Variants in ANKFY1 observed in about 807,000 individuals in gnomAD.
ANKFY1 encodes the protein ankyrin repeat and FYVE domain containing 1, also known as ankyrin repeat and FYVE domain-containing protein 1.
Under a neutral mutation model 128.3 loss-of-function variants are expected in ANKFY1, and 47 were observed. That is an observed-to-expected ratio of 0.37 (90% CI 0.29 to 0.47). ANKFY1 has a LOEUF of 0.47. Among genes scored for constraint, ANKFY1 ranks in the 20% least tolerant of loss-of-function variants. The pLI, the probability that ANKFY1 is intolerant of heterozygous loss-of-function variation, is 1.00. For missense variants in ANKFY1, 1,222 were observed against 1,510.6 expected (o/e 0.81, Z 3.17); for synonymous variants, 553 against 601.6 (o/e 0.92, Z 1.18).
intron 19 of ANKFY1, among the ~76,000 whole-genome samples, chr17:4,174,913 G>A (rs1287978276): frequency 6.6e-6 from 1 of 151,816 alleles, no homozygotes; most frequent in African/African-American, 2.4e-5. Flanking sequence ...AAATTCTGTA[G>A]AGACAACGTC....
intron 1 of ANKFY1, among the ~76,000 whole-genome samples, chr17:4,262,286 C>T (rs1332738867): frequency 6.6e-6 from 1 of 152,076 alleles, no homozygotes; most frequent in Non-Finnish European, 1.5e-5. Flanking sequence ...CAGGCACCCG[C>T]CATCACTCCA....
At chr17:4,188,527 T>G (rs2059652139) in intron 11 of ANKFY1, 1 of 152,206 alleles carries the variant, frequency 6.6e-6, no homozygotes, top group South Asian at 2.1e-4. Flanking sequence ...TCTTCAATCC[T>G]AACGATACAT....
chr17:4,254,961 G>C (rs1968037893), intron 1 of ANKFY1, among the ~76,000 whole-genome samples: 1 of 152,090 alleles, frequency 6.6e-6, no homozygotes, highest in South Asian at 2.1e-4. Flanking sequence ...CTCAAGATTT[G>C]TGGTCTTAAG....
intron 2 of ANKFY1, 83 bp from the exon 3 acceptor site, chr17:4,235,973 G>A (rs1966886097): frequency 3.1e-6 from 3 of 962,420 alleles, no homozygotes; most frequent in South Asian, 1.4e-5. Flanking sequence ...ATAAACACAT[G>A]AGTATTCATC....
intron 7 of ANKFY1, among the ~76,000 whole-genome samples, chr17:4,198,811 A>C (rs2059875447): frequency 6.6e-6 from 1 of 152,216 alleles, no homozygotes; most frequent in South Asian, 2.1e-4. Context: ...GTGGAAACAA[A>C]ATTTCTTTCT....
At chr17:4,182,937 C>A (rs1048344346) in intron 14 of ANKFY1, among the ~76,000 whole-genome samples, 1 of 152,144 alleles carries the variant, frequency 6.6e-6, no homozygotes, top group Non-Finnish European at 1.5e-5. Flanking sequence ...GAAACCCCGT[C>A]TCTACTAAAA....
chr17:4,223,427 A>G lies in ANKFY1; in HGVS notation c.323-6309T>C, dbSNP rs552488696. On this transcript the variant is annotated intron_variant, in intron 3 of 24. Transcript: ENST00000341657. ...AGTCATCCACAAAGACCTGGCTGCT[A>G]GGAACTGTATCACTGATGACACACT... The G allele has an allele frequency of 6.5e-6, 9 of 1,392,546 alleles. No homozygotes were observed. The East Asian group carries it at 2.1e-4, about 32-fold the overall frequency. 86.3% of individuals were successfully genotyped at this position (1,392,546 alleles called of 1,614,324 possible). A position where few individuals can be genotyped will look rare whatever the true frequency, so the allele number is the denominator to read the frequency against.
intron 2 of ANKFY1, 152 bp from the exon 3 acceptor site, chr17:4,236,042 G>T (rs935982200): frequency 1.2e-5 from 7 of 592,222 alleles, no homozygotes; most frequent in African/African-American, 1.1e-4. Flanking sequence ...TGCTAGCACT[G>T]AATTCTGGTG....
At chr17:4,220,130 T>C (rs1003736635) in intron 3 of ANKFY1, among the ~76,000 whole-genome samples, 2 of 152,182 alleles carry the variant, frequency 1.3e-5, no homozygotes, top group African/African-American at 2.4e-5. Flanking sequence ...CGGCCAGTAG[T>C]AGCACTTTTA....
At chr17:4,263,572 G>C (rs1305657574) in intron 1 of ANKFY1, 1 of 1,534,440 alleles carries the variant, frequency 6.5e-7, no homozygotes, top group South Asian at 1.2e-5. Flanking sequence ...CAGCAGTTTC[G>C]ATTTCCTAAG....
chr17:4,261,650 G>A (rs978108428), intron 1 of ANKFY1, among the ~76,000 whole-genome samples: 2 of 152,228 alleles, frequency 1.3e-5, no homozygotes, highest in African/African-American at 4.8e-5. Flanking sequence ...TGATGAGTAT[G>A]CTGACTCAGC....
At chr17:4,244,082 C>T (rs1178004034) in intron 1 of ANKFY1, among the ~76,000 whole-genome samples, 1 of 152,076 alleles carries the variant, frequency 6.6e-6, no homozygotes, top group Non-Finnish European at 1.5e-5. Context: ...AGGTGGGCAC[C>T]ACCACGCCCA....
intron 4 of ANKFY1, among the ~76,000 whole-genome samples, chr17:4,211,895 AC>A (rs1239768203): frequency 1.9e-4 from 21 of 109,770 alleles, no homozygotes; most frequent in South Asian, 3.6e-4. Flanking sequence ...CAAAAAAAAA[AC>A]AAAACAAAAA....
chr17:4,176,002 T>C (rs2059405621), intron 19 of ANKFY1, among the ~76,000 whole-genome samples: 1 of 152,182 alleles, frequency 6.6e-6, no homozygotes, highest in Non-Finnish European at 1.5e-5. Flanking sequence ...GCATAAAGAC[T>C]GATGAACACG....
chr17:4,242,543 GTGA>G (rs1967299400), intron 1 of ANKFY1, 95 bp from the exon 2 acceptor site: 1 of 1,104,928 alleles, frequency 9.1e-7, no homozygotes, highest in Non-Finnish European at 1.3e-6. Flanking sequence ...AGCTCCCAAA[GTGA>G]CTGGCCACTT....
At chr17:4,223,104 G>T (rs2060355974) in intron 3 of ANKFY1, 1 of 733,992 alleles carries the variant, frequency 1.4e-6, no homozygotes, top group South Asian at 1.5e-5. Flanking sequence ...TCCAAATAAA[G>T]AAAAACAAGC....
intron 1 of ANKFY1, among the ~76,000 whole-genome samples, chr17:4,247,989 G>A (rs950847484): frequency 6.6e-6 from 1 of 152,186 alleles, no homozygotes; most frequent in African/African-American, 2.4e-5. Context: ...GATTCTCCCT[G>A]CACACTGATA....
At position 4,169,463 on chromosome 17, in the gene ANKFY1, T is replaced by C. The variant is rs1567903874; in HGVS notation, c.3287-175A>G. Among the ~76,000 whole-genome samples, 1 of 152,112 alleles carries C rather than the reference T, an allele frequency of 6.6e-6. No individual in the cohort carries two copies. The highest frequency in any genetic ancestry group is 6.6e-5 in the Admixed American group (1 of 15,260). On this transcript the variant is annotated intron_variant, in intron 23 of 24. Transcript: ENST00000341657. This position sits in a 1 kb window ranked among gnomAD's most constrained non-coding sequence, Gnocchi z 5.0. ...TCAGGGCCAGCTTCCCAGAGGAGAC[T>C]GGAGAATCAGCCCTTGCCCGGGAGA...
chr17:4,206,447 G>A lies in ANKFY1; in HGVS notation c.772C>T (p.Leu258=), dbSNP rs768033989. The A allele has an allele frequency of 2.1e-5, 34 of 1,614,022 alleles. No homozygotes were observed. The highest frequency in any genetic ancestry group is 2.8e-5 in the Non-Finnish European group (33 of 1,180,014). ...CGTGAGAGGGCTAGATCTAATGCCA[G>A]ATCTCCGTTATGATCCGCTTCATTC... The part of the protein sequence containing the change: ...KLNEADHNGD[L]ALDLALSRRL... The change falls in exon 7 of 25, where the codon CTG becomes TTG. Residue 258 remains leucine, a synonymous_variant. Transcript: ENST00000341657.
Sources: allele counts gnomAD v4.1 joint callset (sites outside exome capture counted in the v4.1 genomes callset), GRCh38; gene constraint gnomAD v4.1.1; non-coding constraint Gnocchi (gnomAD v3.1); transcripts MANE v1.5; gene names NCBI Gene and HGNC (gene_info 2026-07-23, HGNC 2026-07-21).